The following CDC42EP1 variants were observed in gnomAD, a reference collection of about 807,000 sequenced individuals.
CDC42EP1 encodes CDC42 effector protein 1.
A neutral mutation model predicts 7.4 loss-of-function variants in CDC42EP1; 6 were observed. The ratio of observed to expected loss-of-function variants is 0.81; its 90% CI spans 0.44 to 1.60. CDC42EP1 has a LOEUF of 1.60. Among genes scored for constraint, CDC42EP1 ranks in the 40% most tolerant of loss-of-function variants. CDC42EP1 has a pLI of 0.01. For missense variants in CDC42EP1, 567 were observed against 539.0 expected (o/e 1.05, Z -0.51); for synonymous variants, 238 against 227.1 (o/e 1.05, Z -0.43).
chr22:37,560,509 G>T lies in CDC42EP1; in HGVS notation c.-358G>T, dbSNP rs1209978930. 6.7e-6 allele frequency: 1 copy of T among 149,570 alleles called. No homozygotes were observed. Among genetic ancestry groups the T allele is most frequent in the Non-Finnish European group, 1.5e-5 (1 of 67,022 alleles). The allele number at this position is 149,570 out of a possible 1,614,324, so 9.3% of individuals were successfully genotyped here. On this transcript the variant is annotated 5_prime_UTR_variant, in exon 1 of 3. Coordinates refer to ENST00000249014, the MANE Select transcript of CDC42EP1 (RefSeq NM_152243.3). Reference sequence around the variant, plus strand: ...ACCGGCCCAGCGACTCTCCCGGGCTGCCAGCCGGGACGCGCGGCCGCCGCC... The same window carrying T: ...ACCGGCCCAGCGACTCTCCCGGGCTTCCAGCCGGGACGCGCGGCCGCCGCC...
At chr22:37,561,625 A>C (rs1925042853) in intron 1 of CDC42EP1, among the ~76,000 whole-genome samples, 1 of 151,982 alleles carries the variant, frequency 6.6e-6, no homozygotes, top group Non-Finnish European at 1.5e-5. Flanking sequence ...GACCGGTTTA[A>C]CCCCTTATTC....
At position 37,566,733 on chromosome 22, in the gene CDC42EP1, C is replaced by G. The variant is rs111307192; in HGVS notation, c.384C>G (p.Ala128=). ...NAISLPQLNQ[A]AYDSLVVGKL... ...TCTCCCTGCCCCAGCTCAACCAGGC[C>G]GCCTACGACAGCCTCGTGGTTGGCA... The change falls in exon 2 of 3, where the codon GCC becomes GCG. Residue 128 remains alanine, a synonymous_variant. Coordinates refer to ENST00000249014, the MANE Select transcript of CDC42EP1 (RefSeq NM_152243.3). This position sits in a 1 kb window ranked among gnomAD's most constrained non-coding sequence, Gnocchi z 6.4. 80 of 1,610,482 alleles carry G rather than the reference C, an allele frequency of 5.0e-5. No homozygotes were observed. The highest frequency in any genetic ancestry group is 6.2e-5 in the Non-Finnish European group (73 of 1,178,462).
chr22:37,566,845 A>C lies in CDC42EP1; in HGVS notation c.463+33A>C, dbSNP rs764761305. Reference sequence around the variant, plus strand: ...CCTGGGCCATCTTGGCCCACTTTTCAGAGGCTGAGGCTGAGGCCCAGAGGG... The same window carrying C: ...CCTGGGCCATCTTGGCCCACTTTTCCGAGGCTGAGGCTGAGGCCCAGAGGG... On this transcript the variant is annotated intron_variant, in intron 2 of 2. Transcript: ENST00000249014. The surrounding 1 kb of genome is among the most constrained non-coding windows in gnomAD (Gnocchi z 6.4). 1 of 1,492,968 alleles carries C rather than the reference A, an allele frequency of 6.7e-7. No individual in the cohort carries two copies. The highest frequency in any genetic ancestry group is 2.3e-5 in the East Asian group (1 of 43,542). 92.5% of individuals were successfully genotyped at this position (1,492,968 alleles called of 1,614,324 possible).
chr22:37,567,979 AG>A (rs1208400539), intron 2 of CDC42EP1, 128 bp from the exon 3 acceptor site: 2 of 738,170 alleles, frequency 2.7e-6, no homozygotes, highest in Non-Finnish European at 4.6e-6. Context: ...GAAAGATGGG[AG>A]AAACCGAGGC....
At position 37,561,339 on chromosome 22, in the gene CDC42EP1, A is replaced by G. The variant is rs564673757; in HGVS notation, c.-279+751A>G. ...GGACTGGCCGGGAGGCCGCAGCGGC[A>G]CTAAACGTGGCGCGGGGACCCGAGA... On this transcript the variant is annotated intron_variant, in intron 1 of 2. Transcript: ENST00000249014. Among the ~76,000 whole-genome samples, 8 of 152,334 alleles carry G rather than the reference A, an allele frequency of 5.3e-5. No individual in the cohort carries two copies. The South Asian group carries it at 1.4e-3, about 28-fold the overall frequency.
chr22:37,562,381 G>A (rs1178813154), intron 1 of CDC42EP1, among the ~76,000 whole-genome samples: 1 of 152,232 alleles, frequency 6.6e-6, no homozygotes, highest in Non-Finnish European at 1.5e-5. Context: ...AGGCACACCT[G>A]ATGGCCAGCA....
intron 1 of CDC42EP1, among the ~76,000 whole-genome samples, chr22:37,564,210 A>C (rs1047033098): frequency 6.6e-6 from 1 of 151,862 alleles, no homozygotes; most frequent in Non-Finnish European, 1.5e-5. Flanking sequence ...AGAACAAGAG[A>C]TGCTTAGAGA....
At chr22:37,563,486 T>C (rs1925119226) in intron 1 of CDC42EP1, among the ~76,000 whole-genome samples, 2 of 151,754 alleles carry the variant, frequency 1.3e-5, no homozygotes, top group Non-Finnish European at 2.9e-5. Flanking sequence ...AAGAAGATGA[T>C]TCAGAAGTTC....
chr22:37,566,921 C>T lies in CDC42EP1; in HGVS notation c.463+109C>T. ...GTGAGCTCCAAGTGACCACAGAGGT[C>T]AGGCCCAGACCCCACATCATGGATG... On this transcript the variant is annotated intron_variant, in intron 2 of 2. Transcript: ENST00000249014. This position sits in a 1 kb window ranked among gnomAD's most constrained non-coding sequence, Gnocchi z 6.4. 1 of 743,834 alleles carries T rather than the reference C, an allele frequency of 1.3e-6. No individual in the cohort carries two copies. Among genetic ancestry groups the T allele is most frequent in the African/African-American group, 1.8e-5 (1 of 55,484 alleles). 46.1% of individuals were successfully genotyped at this position (743,834 alleles called of 1,614,324 possible).
intron 1 of CDC42EP1, among the ~76,000 whole-genome samples, chr22:37,563,114 GA>G (rs369498995): frequency 0.027 from 3,844 of 140,258 alleles, 173 homozygotes; most frequent in African/African-American, 0.093. Context: ...CCTCAAAAAA[GA>G]AAAAAAAAAA....
At chr22:37,568,048 C>T (rs997711165) in intron 2 of CDC42EP1, 60 bp from the exon 3 acceptor site, 1 of 1,450,656 alleles carries the variant, frequency 6.9e-7, no homozygotes, top group South Asian at 1.3e-5. Flanking sequence ...GTCCTGTCTC[C>T]CCTCCTGAAT....
chr22:37,566,151 A>T lies in CDC42EP1; in HGVS notation c.-199A>T. ...GCTTGAACATCTATAGCTGCTTCTG[A>T]GGGGCTGGGAGCCGGGCCCCTGGGA... On this transcript the variant is annotated 5_prime_UTR_variant, in exon 2 of 3. Transcript: ENST00000249014. This position sits in a 1 kb window ranked among gnomAD's most constrained non-coding sequence, Gnocchi z 6.4. The T allele has an allele frequency of 8.9e-6, 4 of 447,120 alleles. No individual in the cohort carries two copies. The highest frequency in any genetic ancestry group is 5.7e-4 in the Middle Eastern group (1 of 1,746). The allele number at this position is 447,120 out of a possible 1,614,324, so 27.7% of individuals were successfully genotyped here. A position where few individuals can be genotyped will look rare whatever the true frequency, so the allele number is the denominator to read the frequency against.
Position 37,568,866 on chromosome 22 carries a change from C to G in CDC42EP1, c.*46C>G. 7.5e-7 allele frequency: 1 copy of G among 1,326,234 alleles called. No homozygotes were observed. Among genetic ancestry groups the G allele is most frequent in the Non-Finnish European group, 1.0e-6 (1 of 1,003,092 alleles). 82.2% of individuals were successfully genotyped at this position (1,326,234 alleles called of 1,614,324 possible). On this transcript the variant is annotated 3_prime_UTR_variant, in exon 3 of 3. Coordinates refer to ENST00000249014, the MANE Select transcript of CDC42EP1 (RefSeq NM_152243.3). ...GGGCCCCACCTAGGTGCAGAGCCGGCCCCTCACCTAACAGCTGGTTCCTAC... is the reference window on the plus strand; with the variant it reads ...GGGCCCCACCTAGGTGCAGAGCCGGGCCCTCACCTAACAGCTGGTTCCTAC...
At chr22:37,563,188 T>C (rs1925108841) in intron 1 of CDC42EP1, among the ~76,000 whole-genome samples, 1 of 151,790 alleles carries the variant, frequency 6.6e-6, no homozygotes, top group South Asian at 2.1e-4. Flanking sequence ...CTACAGGACA[T>C]TGTACAGAGG....
At chr22:37,563,079 G>C (rs535610748) in intron 1 of CDC42EP1, among the ~76,000 whole-genome samples, 1 of 151,896 alleles carries the variant, frequency 6.6e-6, no homozygotes, top group East Asian at 1.9e-4. Context: ...ACTGCACTCA[G>C]CCTGGGTGAC....
chr22:37,560,552 C>T lies in CDC42EP1; in HGVS notation c.-315C>T, dbSNP rs1266175027. The stretch of plus-strand genomic sequence containing the variant: ...CCGCCGCCGCTGCAGACGACGAGTC[C>T]GCCCTCGTCCCGCGCCCCCGGGGCT... On this transcript the variant is annotated 5_prime_UTR_variant, in exon 1 of 3. Transcript: ENST00000249014. 6 of 150,174 alleles carry T rather than the reference C, an allele frequency of 4.0e-5. No individual in the cohort carries two copies. Among genetic ancestry groups the T allele is most frequent in the Non-Finnish European group, 8.9e-5 (6 of 67,234 alleles). 9.3% of individuals were successfully genotyped at this position (150,174 alleles called of 1,614,324 possible). A position where few individuals can be genotyped will look rare whatever the true frequency, so the allele number is the denominator to read the frequency against.
At chr22:37,562,100 G>A (rs888736159) in intron 1 of CDC42EP1, among the ~76,000 whole-genome samples, 9 of 152,288 alleles carry the variant, frequency 5.9e-5, no homozygotes, top group African/African-American at 1.9e-4. Flanking sequence ...GTCTTCCCAG[G>A]CCTGCACCTG....
Position 37,568,964 on chromosome 22 carries a change from G to A in CDC42EP1, c.*144G>A, listed in dbSNP as rs916252835. 1.2e-5 allele frequency: 6 copies of A among 505,670 alleles called. No individual in the cohort carries two copies. Among genetic ancestry groups the A allele is most frequent in the Non-Finnish European group, 1.6e-5 (5 of 306,740 alleles). 31.3% of individuals were successfully genotyped at this position (505,670 alleles called of 1,614,324 possible). On this transcript the variant is annotated 3_prime_UTR_variant, in exon 3 of 3. Transcript: ENST00000249014. ...CTCTGCAGGACAGACATGGGAGGGA[G>A]GACAGGGAAGGCCAGGCTTGCTCTG...
chr22:37,564,509 T>A (rs1311576851), intron 1 of CDC42EP1: 1 of 152,264 alleles, frequency 6.6e-6, no homozygotes, highest in East Asian at 1.9e-4. Context: ...CAGAGGAACC[T>A]CTGCTCTGGC....
Sources: allele counts gnomAD v4.1 joint callset (sites outside exome capture counted in the v4.1 genomes callset), GRCh38; gene constraint gnomAD v4.1.1; non-coding constraint Gnocchi (gnomAD v3.1); transcripts MANE v1.5; gene names NCBI Gene and HGNC (gene_info 2026-07-23, HGNC 2026-07-21).